Variants in ZNF418 observed in about 807,000 individuals in gnomAD.
The protein encoded by ZNF418 is zinc finger protein 418.
ZNF418 carries 32 observed loss-of-function variants against 32.0 expected under a neutral mutation model. That is an observed-to-expected ratio of 1.00 (90% CI 0.75 to 1.34). ZNF418 has a LOEUF of 1.34. ZNF418 is among the 40% of genes most tolerant of loss of function. The pLI is 0.00. For missense variants in ZNF418, 804 were observed against 812.5 expected (o/e 0.99, Z 0.13); for synonymous variants, 276 against 270.7 (o/e 1.02, Z -0.19).
intron 1 of ZNF418, chr19:57,934,128 A>G: frequency 7.5e-7 from 1 of 1,333,492 alleles, no homozygotes; most frequent in Non-Finnish European, 9.6e-7. Context: ...CAAAGGACTG[A>G]AAAAATGGCA....
chr19:57,934,551 G>A (rs1421402418), intron 1 of ZNF418, among the ~76,000 whole-genome samples: 1 of 152,184 alleles, frequency 6.6e-6, no homozygotes, highest in Admixed American at 6.6e-5. Context: ...TTGTAGCCAG[G>A]AGTGTCTGAG....
At chr19:57,923,650 C>T (rs1054032993) in intron 4 of ZNF418, among the ~76,000 whole-genome samples, 2 of 151,904 alleles carry the variant, frequency 1.3e-5, no homozygotes, top group East Asian at 1.9e-4. Flanking sequence ...TCTTGGCTCA[C>T]GGCAAGCTCC....
At position 57,932,531 on chromosome 19, in the gene ZNF418, G is replaced by A. The variant is rs763843413; in HGVS notation, c.6+1286C>T. 1.8e-5 allele frequency: 27 copies of A among 1,535,162 alleles called. 1 individual carries two copies. In the South Asian group the frequency reaches 3.2e-4, roughly 18 times the overall value. ...CCCCACAGAACCAGGTGGGGCTTTA[G>A]ATATCCATGGCCCTATTCCACTTCT... On this transcript the variant is annotated intron_variant, in intron 2 of 5. Transcript: ENST00000396147.
At chr19:57,930,355 A>G in intron 3 of ZNF418, 73 bp downstream of exon 3, 1 of 1,605,502 alleles carries the variant, frequency 6.2e-7, no homozygotes, top group South Asian at 1.1e-5. Flanking sequence ...GATAAAAGAC[A>G]GTCTTGCCAA....
At chr19:57,930,855 G>A (rs529110111) in intron 2 of ZNF418, among the ~76,000 whole-genome samples, 8 of 152,272 alleles carry the variant, frequency 5.3e-5, no homozygotes, top group African/African-American at 1.9e-4. Context: ...TCAGCTCACT[G>A]CAACCTCTGC....
Position 57,927,965 on chromosome 19 carries a change from A to C in ZNF418, c.216T>G (p.Pro72=). Residue 72 remains proline, a synonymous_variant, in exon 4 of 6, where the codon CCT becomes CCG. Transcript: ENST00000396147. Reference sequence around the variant, plus strand: ...CCTTCTTGGGAGACACACCTGCCCCAGGAGTGCTGACCTGAGACACTCTTT... The same window carrying C: ...CCTTCTTGGGAGACACACCTGCCCCCGGAGTGCTGACCTGAGACACTCTTT... The part of the protein sequence containing the change: ...SIQRVSQVST[P]GAGVSPKKAH... 1.2e-6 allele frequency: 2 copies of C among 1,611,314 alleles called. No individual in the cohort carries two copies. Among genetic ancestry groups the C allele is most frequent in the Non-Finnish European group, 1.7e-6 (2 of 1,178,174 alleles).
At position 57,924,123 on chromosome 19, in the gene ZNF418, A is replaced by C. The variant is rs186493796; in HGVS notation, c.*528-834T>G. ...GCCACTGTACTCCAGCCTGGGTCAC[A>C]GAGCAACACCTTGTCTTAGAAAAAA... On this transcript the variant is annotated intron_variant, in intron 4 of 5. Coordinates refer to ENST00000396147, the MANE Select transcript of ZNF418 (RefSeq NM_133460.3). 6.6e-3 allele frequency among the ~76,000 whole-genome samples: 1,008 copies of C among 152,004 alleles called. 7 individuals carry two copies. The highest frequency in any genetic ancestry group is 0.01 in the Non-Finnish European group (709 of 67,948).
intron 3 of ZNF418, among the ~76,000 whole-genome samples, chr19:57,929,212 G>A (rs2072380184): frequency 6.6e-6 from 1 of 152,154 alleles, no homozygotes; most frequent in Admixed American, 6.5e-5. Context: ...AGAATGGAAA[G>A]GAAAAGACAG....
intron 1 of ZNF418, chr19:57,934,320 T>A: frequency 3.5e-6 from 2 of 570,540 alleles, no homozygotes; most frequent in African/African-American, 4.1e-5. Context: ...GTTCAAGCAA[T>A]TCTCCTGCCT....
chr19:57,922,747 T>A (rs1338791070), intron 5 of ZNF418, 118 bp from the exon 6 acceptor site: 1 of 391,780 alleles, frequency 2.6e-6, no homozygotes, highest in Non-Finnish European at 4.5e-6. Context: ...TCCTGTAATC[T>A]TAGCATTTTG....
Position 57,935,331 on chromosome 19 carries a change from T to A in ZNF418, c.-251A>T. 1 of 725,756 alleles carries A rather than the reference T, an allele frequency of 1.4e-6. No homozygotes were observed. 45.0% of individuals were successfully genotyped at this position (725,756 alleles called of 1,614,324 possible). ...TTCGGACCCATAGCTCCAGCGCCTC[T>A]CACCTCACAAACCGCAGAAACACAC... On this transcript the variant is annotated 5_prime_UTR_variant, in exon 1 of 6. An upstream open reading frame in the 5' UTR loses its in-frame stop. Transcript: ENST00000396147.
intron 4 of ZNF418, among the ~76,000 whole-genome samples, chr19:57,925,201 C>A (rs2072160283): frequency 6.6e-6 from 1 of 152,162 alleles, no homozygotes; most frequent in African/African-American, 2.4e-5. Flanking sequence ...TGGCTCACGC[C>A]TGTAATCCCA....
chr19:57,928,615 A>G (rs2072348329), intron 3 of ZNF418, among the ~76,000 whole-genome samples: 1 of 152,134 alleles, frequency 6.6e-6, no homozygotes, highest in Non-Finnish European at 1.5e-5. Context: ...ATCTGATGAC[A>G]TGTTAATGCT....
At chr19:57,929,259 T>C (rs1182170755) in intron 3 of ZNF418, among the ~76,000 whole-genome samples, 7 of 152,244 alleles carry the variant, frequency 4.6e-5, no homozygotes, top group South Asian at 2.1e-4. Flanking sequence ...ACTAGTCAAA[T>C]AGAATAGGTT....
chr19:57,926,329 G>C lies in ZNF418; in HGVS notation c.1852C>G (p.Pro618Ala). ...KHQRLHTRGK[P>A]YECSECGKSF... ...TTCCCACATTCGCTGCACTCGTAAG[G>C]CTTTCCTCGAGTATGAAGTCTCTGA... The change falls in exon 4 of 6, where the codon CCT becomes GCT. Residue 618 changes from proline (P) to alanine (A), a missense_variant. Transcript: ENST00000396147. The C allele has an allele frequency of 6.2e-7, 1 of 1,612,064 alleles. No homozygotes were observed. The highest frequency in any genetic ancestry group is 8.5e-7 in the Non-Finnish European group (1 of 1,179,146).
At chr19:57,929,069 G>A (rs566107616) in intron 3 of ZNF418, among the ~76,000 whole-genome samples, 7 of 152,128 alleles carry the variant, frequency 4.6e-5, no homozygotes, top group African/African-American at 7.2e-5. Flanking sequence ...TGCCAGTATC[G>A]GACAGCACTC....
In ZNF418 at chr19:57,927,977, C is replaced by T. The variant is rs1296970344; in HGVS notation, c.204G>A (p.Gln68=). 1 of 1,605,090 alleles carries T rather than the reference C, an allele frequency of 6.2e-7. No homozygotes were observed. The highest frequency in any genetic ancestry group is 1.1e-5 in the South Asian group (1 of 90,214). ...ACACACCTGCCCCAGGAGTGCTGAC[C>T]TGAGACACTCTTTGTATAGAAATGC... ...KKSISIQRVS[Q]VSTPGAGVSP... is the part of the protein sequence containing the mutation. The change falls in exon 4 of 6, where the codon CAG becomes CAA. Residue 68 remains glutamine (Q), a synonymous_variant. Transcript: ENST00000396147.
rs1412903330 is a variant in ZNF418 at position 57,932,448 on chromosome 19, C to T, written c.6+1369G>A. 5 of 1,535,278 alleles carry T rather than the reference C, an allele frequency of 3.3e-6. No individual in the cohort carries two copies. The South Asian group carries it at 4.8e-5, about 15-fold the overall frequency. On this transcript the variant is annotated intron_variant, in intron 2 of 5. Transcript: ENST00000396147. ...ATATTACCACAGAATTCTCATGGCT[C>T]CCAATAGCAATGCAGTCCCAAGTCA...
At chr19:57,923,539 TAC>T (rs34833982) in intron 4 of ZNF418, among the ~76,000 whole-genome samples, 40,779 of 143,774 alleles carry the variant, frequency 0.28, 5,930 homozygotes, top group Non-Finnish European at 0.34. Flanking sequence ...TATATATACA[TAC>T]ACACACACAC....
Sources: gnomAD v4.1 joint callset for allele counts (sites outside exome capture counted in the v4.1 genomes callset) on GRCh38, gnomAD v4.1.1 for gene constraint, MANE v1.5 for transcripts, NCBI Gene and HGNC (gene_info 2026-07-23, HGNC 2026-07-21) for gene names.